Variants in ARHGAP26 observed in about 807,000 individuals in gnomAD.
The protein encoded by ARHGAP26 is rho GTPase-activating protein 26.
In ARHGAP26, 38 loss-of-function variants were observed where a neutral mutation model predicts 104.8. That is an observed-to-expected ratio of 0.36 (90% CI 0.28 to 0.48). The LOEUF is 0.48. Ranked by LOEUF, ARHGAP26 falls within the 20% of genes least tolerant of loss-of-function variation. The pLI is 0.99. For missense variants in ARHGAP26, 704 were observed against 947.9 expected, an observed-to-expected ratio of 0.74 and a Z score of 3.38; for synonymous variants, 341 against 340.0, an observed-to-expected ratio of 1.00 and a Z score of -0.03.
At chr5:142,910,160 T>A (rs1419925511) in intron 9 of ARHGAP26, among the ~76,000 whole-genome samples, 2 of 152,184 alleles carry the variant, frequency 1.3e-5, no homozygotes, top group Non-Finnish European at 2.9e-5. Flanking sequence ...CTGCAACCTT[T>A]TATTTATATT....
chr5:143,092,069 T>G (rs1791512235), intron 17 of ARHGAP26, among the ~76,000 whole-genome samples: 1 of 152,172 alleles, frequency 6.6e-6, no homozygotes, highest in Non-Finnish European at 1.5e-5. Flanking sequence ...ATTTCTTGCA[T>G]AAATTCCCTT....
chr5:143,041,632 C>G (rs949817912), intron 13 of ARHGAP26, 184 bp from the exon 14 acceptor site: 2 of 588,338 alleles, frequency 3.4e-6, no homozygotes, highest in African/African-American at 3.8e-5. Context: ...AAATCCTAGA[C>G]AGCTGTACCA....
intron 21 of ARHGAP26, among the ~76,000 whole-genome samples, chr5:143,208,971 G>A: frequency 6.6e-6 from 1 of 152,174 alleles, no homozygotes; most frequent in Non-Finnish European, 1.5e-5. Flanking sequence ...ATTCTCATTA[G>A]ATCATGAGGA....
At chr5:143,030,469 C>T (rs1293927194) in intron 12 of ARHGAP26, among the ~76,000 whole-genome samples, 1 of 152,214 alleles carries the variant, frequency 6.6e-6, no homozygotes, top group African/African-American at 2.4e-5. Context: ...TAGCTTGTGC[C>T]ACTTTTGTTC....
Position 143,225,359 on chromosome 5 carries a change from T to C in ARHGAP26, c.*2913T>C. 5.5e-6 allele frequency: 1 copy of C among 182,970 alleles called. No individual in the cohort carries two copies. The highest frequency in any genetic ancestry group is 1.2e-5 in the Non-Finnish European group (1 of 86,008). 11.3% of individuals were successfully genotyped at this position (182,970 alleles called of 1,614,324 possible). A position where few individuals can be genotyped will look rare whatever the true frequency, so the allele number is the denominator to read the frequency against. The stretch of plus-strand genomic sequence containing the variant: ...TGAGCCATCACACCCAGCTAGTTTT[T>C]TGTATTTTTAGTAAAGATGGGGTTT... On this transcript the variant is annotated 3_prime_UTR_variant, in exon 23 of 23. Transcript: ENST00000645722.
intron 12 of ARHGAP26, among the ~76,000 whole-genome samples, chr5:143,024,256 G>A (rs1780731574): frequency 6.6e-6 from 1 of 152,074 alleles, no homozygotes; most frequent in Non-Finnish European, 1.5e-5. Flanking sequence ...GGTACTCCTT[G>A]GACTTGCATG....
intron 1 of ARHGAP26, among the ~76,000 whole-genome samples, chr5:142,844,078 G>A (rs962638561): frequency 7.0e-6 from 1 of 143,840 alleles, no homozygotes; most frequent in Non-Finnish European, 1.5e-5. Context: ...TTGAGACAGA[G>A]TCTTGCTCTA....
chr5:142,971,979 C>T (rs1055183733), intron 11 of ARHGAP26, among the ~76,000 whole-genome samples: 1 of 152,000 alleles, frequency 6.6e-6, no homozygotes, highest in African/African-American at 2.4e-5. Flanking sequence ...GTCAGGAGTC[C>T]GAGACCAGCC....
At chr5:143,175,322 C>CT (rs1441594297) in intron 20 of ARHGAP26, among the ~76,000 whole-genome samples, 1 of 152,132 alleles carries the variant, frequency 6.6e-6, no homozygotes, top group African/African-American at 2.4e-5. Context: ...AAGCAAAATG[C>CT]TTAGGGGTGC....
intron 1 of ARHGAP26, among the ~76,000 whole-genome samples, chr5:142,862,393 T>G (rs2152312307): frequency 6.6e-6 from 1 of 152,392 alleles, no homozygotes; most frequent in Non-Finnish European, 1.5e-5. Flanking sequence ...TTAATTTGGC[T>G]GGAAATGTAT....
At chr5:143,046,795 T>A (rs957046073) in intron 14 of ARHGAP26, among the ~76,000 whole-genome samples, 1 of 152,206 alleles carries the variant, frequency 6.6e-6, no homozygotes, top group Admixed American at 6.5e-5. Flanking sequence ...TAAATAAATT[T>A]TTTCCTGATG....
chr5:143,176,127 A>C (rs1410508090), intron 20 of ARHGAP26, among the ~76,000 whole-genome samples: 1 of 152,152 alleles, frequency 6.6e-6, no homozygotes, highest in Non-Finnish European at 1.5e-5. Context: ...TAAGTAAATA[A>C]ATAAATAAAT....
intron 13 of ARHGAP26, 35 bp downstream of exon 13, chr5:143,037,296 G>A (rs1782808396): frequency 1.3e-6 from 2 of 1,542,830 alleles, no homozygotes; most frequent in South Asian, 2.4e-5. Context: ...TGTTCTCATA[G>A]AAGGTCACGC....
chr5:143,065,958 G>A (rs887716376), intron 17 of ARHGAP26, among the ~76,000 whole-genome samples: 2 of 152,196 alleles, frequency 1.3e-5, no homozygotes, highest in African/African-American at 2.4e-5. Flanking sequence ...ACCAGGTGGG[G>A]TCTAGCTTCT....
intron 14 of ARHGAP26, among the ~76,000 whole-genome samples, chr5:143,051,870 T>C (rs1289804454): frequency 6.6e-6 from 1 of 152,154 alleles, no homozygotes; most frequent in Admixed American, 6.5e-5. Flanking sequence ...TGTTCACTCT[T>C]CTTGGGTAGA....
chr5:143,139,889 G>A (rs1798316214), intron 19 of ARHGAP26, among the ~76,000 whole-genome samples: 1 of 152,204 alleles, frequency 6.6e-6, no homozygotes, highest in South Asian at 2.1e-4. Context: ...AGAAGGGGGA[G>A]CCAGAAGGAT....
intron 17 of ARHGAP26, among the ~76,000 whole-genome samples, chr5:143,077,016 G>A (rs1489747537): frequency 6.6e-5 from 10 of 152,200 alleles, no homozygotes; most frequent in Non-Finnish European, 1.5e-4. Context: ...GAATGGAATT[G>A]CATAGTTTTT....
intron 1 of ARHGAP26, among the ~76,000 whole-genome samples, chr5:142,870,027 C>T (rs946329420): frequency 3.3e-5 from 5 of 152,198 alleles, no homozygotes; most frequent in African/African-American, 9.7e-5. Flanking sequence ...TATGACTTCC[C>T]TCCACTCTGG....
chr5:143,161,523 C>A (rs575282997), intron 20 of ARHGAP26, among the ~76,000 whole-genome samples: 2 of 152,268 alleles, frequency 1.3e-5, no homozygotes, highest in South Asian at 4.1e-4. Context: ...TTTGAAAGCT[C>A]CATTTTAAAG....
Sources: allele counts gnomAD v4.1 joint callset (sites outside exome capture counted in the v4.1 genomes callset), GRCh38; gene constraint gnomAD v4.1.1; transcripts MANE v1.5; gene names NCBI Gene and HGNC (gene_info 2026-07-23, HGNC 2026-07-21).